The following AVPR1A variants were observed in gnomAD, a reference collection of about 807,000 sequenced individuals.
AVPR1A encodes vasopressin V1a receptor.
Under a neutral mutation model 31.5 loss-of-function variants are expected in AVPR1A, and 31 were observed. The ratio of observed to expected loss-of-function variants is 0.99; its 90% CI spans 0.74 to 1.33. The LOEUF (loss-of-function observed/expected upper bound fraction) is 1.33, where lower values mean the gene tolerates loss of function less well. Among genes scored for constraint, AVPR1A ranks in the 40% most tolerant of loss-of-function variants. The pLI, the probability that AVPR1A is intolerant of heterozygous loss-of-function variation, is 0.00. For missense variants in AVPR1A, 570 were observed against 575.2 expected, an observed-to-expected ratio of 0.99 and a Z score of 0.09; for synonymous variants, 243 against 233.2, an observed-to-expected ratio of 1.04 and a Z score of -0.38.
chr12:63,150,695 C>T lies in AVPR1A; in HGVS notation c.142G>A (p.Glu48Lys). ...GNGPPRDVRN[E>K]ELAKLEIAVL... Reference sequence around the variant, plus strand: ...GCGATCTCCAGTTTGGCCAGCTCCTCGTTGCGCACGTCCCTCGGTGGGCCG... The same window carrying T: ...GCGATCTCCAGTTTGGCCAGCTCCTTGTTGCGCACGTCCCTCGGTGGGCCG... Residue 48 changes from glutamate (E) to lysine (K), a missense_variant, in exon 1 of 2, where the codon GAG becomes AAG. Transcript: ENST00000299178. The surrounding 1 kb of genome is among the most constrained non-coding windows in gnomAD (Gnocchi z 4.9). 6.2e-7 allele frequency: 1 copy of T among 1,607,130 alleles called. No homozygotes were observed. The highest frequency in any genetic ancestry group is 8.5e-7 in the Non-Finnish European group (1 of 1,179,860).
chr12:63,147,287 G>A lies in AVPR1A; in HGVS notation c.*72C>T. 1 of 1,502,360 alleles carries A rather than the reference G, an allele frequency of 6.7e-7. No homozygotes were observed. The highest frequency in any genetic ancestry group is 9.1e-7 in the Non-Finnish European group (1 of 1,093,600). The allele number at this position is 1,502,360 out of a possible 1,614,324, so 93.1% of individuals were successfully genotyped here. Reference sequence around the variant, plus strand: ...ATATTAATAAAGTGTATTTGTTCTTGTGATTTCTAGCTCAATTCAGCTAAT... The same window carrying A: ...ATATTAATAAAGTGTATTTGTTCTTATGATTTCTAGCTCAATTCAGCTAAT... On this transcript the variant is annotated 3_prime_UTR_variant, in exon 2 of 2. Transcript: ENST00000299178.
rs537394626 is a variant in AVPR1A, at chr12:63,150,318, G to C, written c.519C>G (p.Ala173=). The C allele has an allele frequency of 2.5e-6, 4 of 1,613,934 alleles. No homozygotes were observed. Among genetic ancestry groups the C allele is most frequent in the Non-Finnish European group, 2.5e-6 (3 of 1,180,036 alleles). ...TCAGCACGAAGCTCAGCACCCAGGC[G>C]GCCGCGATCATGAGGCGCGAGCGGC... The part of the protein sequence containing the change: ...PARRSRLMIA[A]AWVLSFVLST... The change falls in exon 1 of 2, where the codon GCC becomes GCG. Residue 173 remains alanine (A), a synonymous_variant. Transcript: ENST00000299178. The surrounding 1 kb of genome is among the most constrained non-coding windows in gnomAD (Gnocchi z 4.9).
At position 63,142,835 on chromosome 12, in the gene AVPR1A, A is replaced by G. The variant is rs1294747876; in HGVS notation, c.*4524T>C. 1 of 152,180 alleles carries G rather than the reference A, an allele frequency of 6.6e-6. No homozygotes were observed. The highest frequency in any genetic ancestry group is 6.5e-5 in the Admixed American group (1 of 15,278). 9.4% of individuals were successfully genotyped at this position (152,180 alleles called of 1,614,324 possible). A position where few individuals can be genotyped will look rare whatever the true frequency, so the allele number is the denominator to read the frequency against. On this transcript the variant is annotated 3_prime_UTR_variant, in exon 2 of 2. Coordinates refer to ENST00000299178, the MANE Select transcript of AVPR1A (RefSeq NM_000706.5). ...GGAAATACAATAGTTTTTTCAATAT[A>G]GTACCACAAGCCATTTTTTCTGTAA...
rs1398688649 is a variant in AVPR1A at position 63,145,780 on chromosome 12, C to G, written c.*1579G>C. On this transcript the variant is annotated 3_prime_UTR_variant, in exon 2 of 2. Transcript: ENST00000299178. ...CCATTAATGAAAAATGTAATAACAGCAAAGTAGTGTAATTGGTCTCCGTTT... is the reference window on the plus strand; with the variant it reads ...CCATTAATGAAAAATGTAATAACAGGAAAGTAGTGTAATTGGTCTCCGTTT... 6.5e-6 allele frequency: 1 copy of G among 154,100 alleles called. No homozygotes were observed. Among genetic ancestry groups the G allele is most frequent in the Non-Finnish European group, 1.4e-5 (1 of 69,342 alleles). The allele number at this position is 154,100 out of a possible 1,614,324, so 9.5% of individuals were successfully genotyped here.
chr12:63,150,513 T>C lies in AVPR1A; in HGVS notation c.324A>G (p.Gln108=). The C allele has an allele frequency of 1.2e-6, 2 of 1,613,278 alleles. No homozygotes were observed. The highest frequency in any genetic ancestry group is 1.7e-6 in the Non-Finnish European group (2 of 1,179,806). The stretch of plus-strand genomic sequence containing the variant: ...AGCGGTAGGTGATGTCCCAGCACAT[T>C]TGCGGCAGCACCTGGAAGAATGCCA... The part of the protein sequence containing the change: ...LAVAFFQVLP[Q]MCWDITYRFR... The change falls in exon 1 of 2, where the codon CAA becomes CAG. Residue 108 remains glutamine, a synonymous_variant. Transcript: ENST00000299178. This position sits in a 1 kb window ranked among gnomAD's most constrained non-coding sequence, Gnocchi z 4.9.
chr12:63,147,246 G>T lies in AVPR1A; in HGVS notation c.*113C>A. 1 of 1,266,100 alleles carries T rather than the reference G, an allele frequency of 7.9e-7. No individual in the cohort carries two copies. Among genetic ancestry groups the T allele is most frequent in the Non-Finnish European group, 1.1e-6 (1 of 907,898 alleles). 78.4% of individuals were successfully genotyped at this position (1,266,100 alleles called of 1,614,324 possible). On this transcript the variant is annotated 3_prime_UTR_variant, in exon 2 of 2. Transcript: ENST00000299178. ...CTAGAAACACAGTCTCATACACAAT[G>T]AATTGATTTATGGTTATATTAATAA...
rs1293561726 is a variant in AVPR1A, at chr12:63,144,278, C to T, written c.*3081G>A. 2 of 152,152 alleles carry T rather than the reference C, an allele frequency of 1.3e-5. No individual in the cohort carries two copies. Among genetic ancestry groups the T allele is most frequent in the Non-Finnish European group, 2.9e-5 (2 of 68,020 alleles). 9.4% of individuals were successfully genotyped at this position (152,152 alleles called of 1,614,324 possible). A position where few individuals can be genotyped will look rare whatever the true frequency, so the allele number is the denominator to read the frequency against. ...TCAAAATAAAAGCCAAGTAGTTTTA[C>T]ACTTTAGAATACATGCTCCAAAATT... On this transcript the variant is annotated 3_prime_UTR_variant, in exon 2 of 2. Transcript: ENST00000299178.
chr12:63,150,190 T>A lies in AVPR1A; in HGVS notation c.647A>T (p.Tyr216Phe). ...GATGCCGCCCGTCATCCAGGTCACG[T>A]AGGCACGAGAACCCCAGGGCTGGAT... is the stretch of plus-strand genomic sequence containing the variant. ...TFIQPWGSRA[Y>F]VTWMTGGIFV... is the part of the protein sequence containing the mutation. Residue 216 changes from tyrosine (Y) to phenylalanine (F), a missense_variant, in exon 1 of 2, where the codon TAC becomes TTC. By Grantham distance (22) the Tyr-to-Phe change is conservative. Transcript: ENST00000299178. This position sits in a 1 kb window ranked among gnomAD's most constrained non-coding sequence, Gnocchi z 4.9. 1.2e-6 allele frequency: 2 copies of A among 1,613,934 alleles called. No homozygotes were observed. The highest frequency in any genetic ancestry group is 1.7e-6 in the Non-Finnish European group (2 of 1,180,026).
rs1195162250 is a variant in AVPR1A at position 63,146,281 on chromosome 12, C to G, written c.*1078G>C. 1.3e-5 allele frequency: 2 copies of G among 152,216 alleles called. No individual in the cohort carries two copies. The highest frequency in any genetic ancestry group is 4.8e-5 in the African/African-American group (2 of 41,448). The allele number at this position is 152,216 out of a possible 1,614,324, so 9.4% of individuals were successfully genotyped here. A position where few individuals can be genotyped will look rare whatever the true frequency, so the allele number is the denominator to read the frequency against. On this transcript the variant is annotated 3_prime_UTR_variant, in exon 2 of 2. Coordinates refer to ENST00000299178, the MANE Select transcript of AVPR1A (RefSeq NM_000706.5). ...GCCAGTCTGGGCACAGAGCAGTTCT[C>G]TTTCCATCTGTCACCCATGTCCCAA...
Position 63,147,578 on chromosome 12 carries a change from C to T in AVPR1A, c.1038G>A (p.Trp346Ter). The T allele has an allele frequency of 1.2e-6, 2 of 1,614,024 alleles. No homozygotes were observed. Among genetic ancestry groups the T allele is most frequent in the Non-Finnish European group, 1.7e-6 (2 of 1,179,966 alleles). Residue 346 changes from tryptophan (W) to a stop codon, truncating the protein, a stop_gained, in exon 2 of 2, where the codon TGG (tryptophan) becomes TGA (stop). Transcript: ENST00000299178. LOFTEE classifies it high-confidence loss of function. ...GATGGCCACTAAAAAACATGTATAT[C>T]CAGGGATTACAGCAGCTATTCAAGG... ...LGSLNSCCNPWIYMFFSGHLL... is the reference protein window; with the variant it reads ...LGSLNSCCNP
rs977722865 is a variant in AVPR1A at position 63,146,406 on chromosome 12, C to T, written c.*953G>A. The T allele has an allele frequency of 6.6e-6, 1 of 152,164 alleles. No homozygotes were observed. Among genetic ancestry groups the T allele is most frequent in the African/African-American group, 2.4e-5 (1 of 41,438 alleles). The allele number at this position is 152,164 out of a possible 1,614,324, so 9.4% of individuals were successfully genotyped here. On this transcript the variant is annotated 3_prime_UTR_variant, in exon 2 of 2. Transcript: ENST00000299178. ...TGTTGGGACACTTTATATCCTGAGT[C>T]ACTCTTTAGGATACTCATATTATGA... is the stretch of plus-strand genomic sequence containing the variant.
In AVPR1A at chr12:63,150,496, G is replaced by GTGA. The variant is rs758453856; in HGVS notation, c.338_340dup (p.Ile113dup). 6.2e-7 allele frequency: 1 copy of GTGA among 1,613,448 alleles called. No individual in the cohort carries two copies. The highest frequency in any genetic ancestry group is 1.1e-5 in the South Asian group (1 of 91,042). On this transcript the variant is annotated inframe_insertion, in exon 1 of 2. Transcript: ENST00000299178. This position sits in a 1 kb window ranked among gnomAD's most constrained non-coding sequence, Gnocchi z 4.9. ...CCAGTCGGGGCCGCGGAAGCGGTAG[G>GTGA]TGATGTCCCAGCACATTTGCGGCAG... is the stretch of plus-strand genomic sequence containing the variant.
In AVPR1A at chr12:63,150,736, G is replaced by C. The variant is rs763247211; in HGVS notation, c.101C>G (p.Ala34Gly). The C allele has an allele frequency of 5.6e-6, 9 of 1,602,368 alleles. No individual in the cohort carries two copies. In the African/African-American group the frequency reaches 1.2e-4, roughly 21 times the overall value. ...CGGTGGGCCGTTGCCCTCCCCGAGG[G>C]CTTCGGCCTCCCGGCTTGTGTTGCC... ...GAGNTSREAE[A>G]LGEGNGPPRD... Residue 34 changes from alanine to glycine, a missense_variant, in exon 1 of 2, where the codon GCC becomes GGC. Transcript: ENST00000299178. The surrounding 1 kb of genome is among the most constrained non-coding windows in gnomAD (Gnocchi z 4.9).
Position 63,151,009 on chromosome 12 carries a change from G to T in AVPR1A, c.-173C>A. 2 of 970,976 alleles carry T rather than the reference G, an allele frequency of 2.1e-6. No individual in the cohort carries two copies. Among genetic ancestry groups the T allele is most frequent in the Non-Finnish European group, 2.9e-6 (2 of 679,062 alleles). The allele number at this position is 970,976 out of a possible 1,614,324, so 60.1% of individuals were successfully genotyped here. On this transcript the variant is annotated 5_prime_UTR_variant, in exon 1 of 2. Coordinates refer to ENST00000299178, the MANE Select transcript of AVPR1A (RefSeq NM_000706.5). ...TGGGCGTCTCCCGGAGCAGCGTCCC[G>T]CCTGCCCACTGAGCAGCTCTCAGCA...
chr12:63,150,502 T>G lies in AVPR1A; in HGVS notation c.335A>C (p.Asp112Ala). 1 of 1,613,370 alleles carries G rather than the reference T, an allele frequency of 6.2e-7. No homozygotes were observed. The highest frequency in any genetic ancestry group is 8.5e-7 in the Non-Finnish European group (1 of 1,179,824). ...GGGGCCGCGGAAGCGGTAGGTGATG[T>G]CCCAGCACATTTGCGGCAGCACCTG... ...FFQVLPQMCW[D>A]ITYRFRGPDW... The change falls in exon 1 of 2, where the codon GAC becomes GCC. Residue 112 changes from aspartate (D) to alanine (A), a missense_variant. Asp to Ala is a moderately radical substitution (Grantham distance 126, BLOSUM62 -2). Coordinates refer to ENST00000299178, the MANE Select transcript of AVPR1A (RefSeq NM_000706.5). This position sits in a 1 kb window ranked among gnomAD's most constrained non-coding sequence, Gnocchi z 4.9.
chr12:63,147,676 A>G (rs1314188113), intron 1 of AVPR1A, 31 bp from the exon 2 acceptor site: 2 of 1,595,756 alleles, frequency 1.3e-6, no homozygotes, highest in Non-Finnish European at 1.7e-6. Context: ...GAAATCATGT[A>G]ATGTAAGTGA....
rs1312495539 is a variant in AVPR1A, at chr12:63,150,981, C to CA, written c.-146dup. The CA allele has an allele frequency of 8.1e-7, 1 of 1,227,790 alleles. No individual in the cohort carries two copies. The highest frequency in any genetic ancestry group is 1.5e-5 in the African/African-American group (1 of 65,342). 76.1% of individuals were successfully genotyped at this position (1,227,790 alleles called of 1,614,324 possible). A position where few individuals can be genotyped will look rare whatever the true frequency, so the allele number is the denominator to read the frequency against. The stretch of plus-strand genomic sequence containing the variant: ...AGCTTGCCGGGCTCTGCGATCCCTC[C>CA]AGTGGGCGTCTCCCGGAGCAGCGTC... On this transcript the variant is annotated 5_prime_UTR_variant, in exon 1 of 2. Transcript: ENST00000299178. The surrounding 1 kb of genome is among the most constrained non-coding windows in gnomAD (Gnocchi z 4.9).
At chr12:63,148,718 A>G (rs1016645031) in intron 1 of AVPR1A, among the ~76,000 whole-genome samples, 3 of 152,200 alleles carry the variant, frequency 2.0e-5, no homozygotes, top group African/African-American at 7.2e-5. Flanking sequence ...ATTTTTCATT[A>G]TCGCTAGTAT....
chr12:63,142,978 G>A lies in AVPR1A; in HGVS notation c.*4381C>T, dbSNP rs1868332292. On this transcript the variant is annotated 3_prime_UTR_variant, in exon 2 of 2. Transcript: ENST00000299178. ...ATTTTAGATAGCATAATAAGCTAGA[G>A]GATATAGAACATTTGAAAAACAGTT... The A allele has an allele frequency of 6.6e-6, 1 of 151,938 alleles. No individual in the cohort carries two copies. Among genetic ancestry groups the A allele is most frequent in the Non-Finnish European group, 1.5e-5 (1 of 67,936 alleles). The allele number at this position is 151,938 out of a possible 1,614,324, so 9.4% of individuals were successfully genotyped here. A position where few individuals can be genotyped will look rare whatever the true frequency, so the allele number is the denominator to read the frequency against.
Sources: allele counts gnomAD v4.1 joint callset (sites outside exome capture counted in the v4.1 genomes callset), GRCh38; gene constraint gnomAD v4.1.1; non-coding constraint Gnocchi (gnomAD v3.1); transcripts MANE v1.5; gene names NCBI Gene and HGNC (gene_info 2026-07-23, HGNC 2026-07-21).